The following ARL15 variants were observed in gnomAD, a reference collection of about 807,000 sequenced individuals.
ARL15 encodes ARF like GTPase 15.
Under a neutral mutation model 25.2 loss-of-function variants are expected in ARL15, and 19 were observed. That is an observed-to-expected ratio of 0.75 (90% confidence interval 0.53 to 1.10). The LOEUF (loss-of-function observed/expected upper bound fraction) is 1.10, where lower values mean the gene tolerates loss of function less well. Among genes scored for constraint, ARL15 ranks in the 50% least tolerant of loss-of-function variants. The pLI, the probability that ARL15 is intolerant of heterozygous loss-of-function variation, is 0.00. For synonymous variants in ARL15, 94 were observed against 86.8 expected, an observed-to-expected ratio of 1.08 and a Z score of -0.46; for missense variants, 220 against 246.0, an observed-to-expected ratio of 0.89 and a Z score of 0.71.
intron 1 of ARL15, among the ~76,000 whole-genome samples, chr5:54,246,803 CA>C (rs1757099255): frequency 3.9e-5 from 1 of 25,956 alleles, no homozygotes; most frequent in African/African-American, 7.8e-5. Context: ...TGCATACACA[CA>C]CACACACACA....
chr5:54,171,568 C>T (rs539449869), intron 2 of ARL15, among the ~76,000 whole-genome samples: 123 of 152,044 alleles, frequency 8.1e-4, no homozygotes, highest in Non-Finnish European at 1.4e-3. Context: ...TTATTCAGTG[C>T]CACTGAAATG....
At chr5:53,931,608 C>G (rs566718359) in intron 4 of ARL15, among the ~76,000 whole-genome samples, 1 of 152,326 alleles carries the variant, frequency 6.6e-6, no homozygotes, top group East Asian at 1.9e-4. Flanking sequence ...AATCCTACCT[C>G]TCTCATCTTT....
At chr5:54,283,219 A>G (rs1758102264) in intron 1 of ARL15, among the ~76,000 whole-genome samples, 1 of 152,232 alleles carries the variant, frequency 6.6e-6, no homozygotes, top group South Asian at 2.1e-4. Flanking sequence ...AGGAAGACCA[A>G]GAAGTCGCAT....
intron 1 of ARL15, among the ~76,000 whole-genome samples, chr5:54,260,636 T>A (rs1757476906): frequency 1.3e-5 from 2 of 152,332 alleles, no homozygotes; most frequent in Non-Finnish European, 2.9e-5. Flanking sequence ...TCAACCCTGA[T>A]TTGAAAAAAT....
At chr5:54,000,369 T>C (rs1748812515) in intron 4 of ARL15, among the ~76,000 whole-genome samples, 1 of 152,192 alleles carries the variant, frequency 6.6e-6, no homozygotes, top group African/African-American at 2.4e-5. Flanking sequence ...CACGTCTGCC[T>C]GCAATAACGC....
intron 3 of ARL15, among the ~76,000 whole-genome samples, chr5:54,133,864 A>G (rs925614289): frequency 1.3e-5 from 2 of 152,214 alleles, no homozygotes; most frequent in African/African-American, 2.4e-5. Context: ...ATTAGAGGCT[A>G]AAATGAAGTT....
intron 3 of ARL15, 67 bp from the exon 4 acceptor site, chr5:54,113,477 G>C: frequency 6.8e-7 from 1 of 1,460,042 alleles, no homozygotes; most frequent in Non-Finnish European, 9.4e-7. Context: ...GTTCCCAACA[G>C]TAATTCCTAC....
At chr5:54,112,973 T>C (rs1280932797) in intron 4 of ARL15, among the ~76,000 whole-genome samples, 1 of 152,228 alleles carries the variant, frequency 6.6e-6, no homozygotes, top group East Asian at 1.9e-4. Context: ...AAACATCTTT[T>C]AACCATTGCT....
intron 1 of ARL15, among the ~76,000 whole-genome samples, chr5:54,250,340 G>C (rs1757207184): frequency 6.6e-6 from 1 of 152,126 alleles, no homozygotes; most frequent in South Asian, 2.1e-4. Flanking sequence ...CATGAGACTT[G>C]GGGGGACAAA....
chr5:54,117,400 C>CACAT (rs1752936732), intron 3 of ARL15, among the ~76,000 whole-genome samples: 1 of 151,056 alleles, frequency 6.6e-6, no homozygotes, highest in African/African-American at 2.4e-5. Context: ...CACACACACA[C>CACAT]ACACACAAAC....
At chr5:53,936,325 A>G (rs779897515) in intron 4 of ARL15, among the ~76,000 whole-genome samples, 1 of 152,180 alleles carries the variant, frequency 6.6e-6, no homozygotes, top group Admixed American at 6.5e-5. Flanking sequence ...CCCGCCTCAC[A>G]GTTTAGCAAT....
At chr5:54,124,120 T>A (rs757785537) in intron 3 of ARL15, among the ~76,000 whole-genome samples, 1 of 152,192 alleles carries the variant, frequency 6.6e-6, no homozygotes, top group East Asian at 1.9e-4. Flanking sequence ...TATATTTGCC[T>A]GAGGACAGAG....
At chr5:54,111,430 A>C (rs1752737445) in intron 4 of ARL15, among the ~76,000 whole-genome samples, 1 of 152,084 alleles carries the variant, frequency 6.6e-6, no homozygotes, top group Non-Finnish European at 1.5e-5. Context: ...AATACTCAGA[A>C]GCAATTAATT....
At chr5:53,925,487 G>A (rs1745989301) in intron 4 of ARL15, among the ~76,000 whole-genome samples, 1 of 152,170 alleles carries the variant, frequency 6.6e-6, no homozygotes, top group South Asian at 2.1e-4. Flanking sequence ...GTGAACCACT[G>A]TGCCTGGCCT....
chr5:53,911,522 T>A (rs1745463299), intron 4 of ARL15, among the ~76,000 whole-genome samples: 2 of 152,118 alleles, frequency 1.3e-5, no homozygotes, highest in Admixed American at 6.5e-5. Flanking sequence ...AAATTGATTG[T>A]TTCTCCAAAG....
At chr5:53,975,702 G>A (rs992237198) in intron 4 of ARL15, among the ~76,000 whole-genome samples, 4 of 152,194 alleles carry the variant, frequency 2.6e-5, no homozygotes, top group African/African-American at 9.7e-5. Flanking sequence ...AGAAAAAAGT[G>A]TCATATGATT....
intron 1 of ARL15, among the ~76,000 whole-genome samples, chr5:54,212,577 C>A (rs1020694281): frequency 6.6e-6 from 1 of 152,176 alleles, no homozygotes; most frequent in African/African-American, 2.4e-5. Context: ...TGGGGCTAGA[C>A]ACATTGCTGC....
chr5:54,037,427 C>T (rs983289814), intron 4 of ARL15, among the ~76,000 whole-genome samples: 3 of 151,930 alleles, frequency 2.0e-5, no homozygotes, highest in African/African-American at 7.3e-5. Flanking sequence ...GTAGTAAATA[C>T]ATGAATGAAA....
intron 1 of ARL15, among the ~76,000 whole-genome samples, chr5:54,305,471 T>A (rs921938785): frequency 1.6e-4 from 24 of 151,588 alleles, no homozygotes; most frequent in Non-Finnish European, 2.5e-4. Context: ...AAAAAAAAAA[T>A]AAATAAATAA....
Sources: gnomAD v4.1 joint callset for allele counts (sites outside exome capture counted in the v4.1 genomes callset) on GRCh38, gnomAD v4.1.1 for gene constraint, MANE v1.5 for transcripts, NCBI Gene and HGNC (gene_info 2026-07-23, HGNC 2026-07-21) for gene names.